Variants in ELOVL6 observed in about 807,000 individuals in gnomAD.
ELOVL6 encodes the protein ELOVL fatty acid elongase 6.
ELOVL6 carries 8 observed loss-of-function variants against 31.7 expected under a neutral mutation model. The observed-to-expected ratio is 0.25, with a 90% CI of 0.15 to 0.45. The LOEUF (loss-of-function observed/expected upper bound fraction) is 0.45. Ranked by LOEUF, ELOVL6 falls within the 20% of genes least tolerant of loss-of-function variation. ELOVL6 has a pLI of 1.00. For synonymous variants in ELOVL6, 101 were observed against 117.7 expected, an observed-to-expected ratio of 0.86 and a Z score of 0.92; for missense variants, 126 against 326.4, an observed-to-expected ratio of 0.39 and a Z score of 4.73.
intron 1 of ELOVL6, among the ~76,000 whole-genome samples, chr4:110,171,435 TA>T (rs1758940192): frequency 6.6e-6 from 1 of 151,480 alleles, no homozygotes; most frequent in Middle Eastern, 3.4e-3. Flanking sequence ...AATAAATAAA[TA>T]AATAAATAAA....
intron 1 of ELOVL6, among the ~76,000 whole-genome samples, chr4:110,120,347 AAAAAGT>A (rs35054070): frequency 0.078 from 4,901 of 62,928 alleles, 237 homozygotes; most frequent in African/African-American, 0.23. Context: ...ATAAAAAATA[AAAAAGT>A]AAAAAAAAAA....
chr4:110,120,804 T>C (rs1047093818), intron 1 of ELOVL6, among the ~76,000 whole-genome samples: 12 of 137,958 alleles, frequency 8.7e-5, no homozygotes, highest in African/African-American at 1.3e-4. Context: ...TTTTCTTTTT[T>C]TTTTTTTTTT....
At chr4:110,197,973 C>T (rs1578298632) in intron 1 of ELOVL6, 1 of 519,660 alleles carries the variant, frequency 1.9e-6, no homozygotes, top group Non-Finnish European at 3.4e-6. Context: ...GCAGACATCA[C>T]CCTGTGCACA....
chr4:110,148,632 A>G (rs1758196065), intron 1 of ELOVL6, among the ~76,000 whole-genome samples: 1 of 152,174 alleles, frequency 6.6e-6, no homozygotes, highest in East Asian at 1.9e-4. Context: ...AACTAAGAGT[A>G]TAATTGGACT....
chr4:110,083,910 TAGAG>T (rs1208996335), intron 2 of ELOVL6, among the ~76,000 whole-genome samples: 4 of 59,634 alleles, frequency 6.7e-5, no homozygotes, highest in Admixed American at 1.6e-4. Context: ...TATATACACA[TAGAG>T]AGAGAGATAA....
intron 2 of ELOVL6, among the ~76,000 whole-genome samples, chr4:110,061,051 G>A (rs1755122600): frequency 6.6e-6 from 1 of 152,104 alleles, no homozygotes; most frequent in South Asian, 2.1e-4. Flanking sequence ...CTTCTCTAAA[G>A]GTATAAAGAC....
chr4:110,119,688 C>G (rs1025214513), intron 1 of ELOVL6, among the ~76,000 whole-genome samples: 9 of 151,988 alleles, frequency 5.9e-5, no homozygotes, highest in Non-Finnish European at 1.3e-4. Context: ...CTCTTTGCCC[C>G]TTCACAGATT....
At position 110,046,110 on chromosome 4, in the gene ELOVL6, A is replaced by AGTAT. The variant is rs1754692739; in HGVS notation, c.*5224_*5227dup. The stretch of plus-strand genomic sequence containing the variant: ...TAGACAGGCAGACCTGTTTGAAACG[A>AGTAT]GTATGACCAGGGAGGACTGTTAGGC... On this transcript the variant is annotated 3_prime_UTR_variant, in exon 4 of 4. Transcript: ENST00000302274. 6.6e-6 allele frequency: 1 copy of AGTAT among 152,174 alleles called. No individual in the cohort carries two copies. The highest frequency in any genetic ancestry group is 2.1e-4 in the South Asian group (1 of 4,822). 9.4% of individuals were successfully genotyped at this position (152,174 alleles called of 1,614,324 possible). A position where few individuals can be genotyped will look rare whatever the true frequency, so the allele number is the denominator to read the frequency against.
chr4:110,137,764 C>T lies in ELOVL6; in HGVS notation c.90-32136G>A, dbSNP rs561621583. ...CAACACACTCTGAGGCCATAACAAA[C>T]TTTTAGAAATAACACAATTGGCTAC... On this transcript the variant is annotated intron_variant, in intron 1 of 3. Coordinates refer to ENST00000302274, the MANE Select transcript of ELOVL6 (RefSeq NM_024090.3). Among the ~76,000 whole-genome samples the T allele has an allele frequency of 4.6e-5, 7 of 152,220 alleles. No homozygotes were observed. The South Asian group carries it at 1.5e-3, about 32-fold the overall frequency.
chr4:110,145,620 A>G (rs1033195746), intron 1 of ELOVL6, among the ~76,000 whole-genome samples: 2 of 152,140 alleles, frequency 1.3e-5, no homozygotes, highest in African/African-American at 4.8e-5. Context: ...CAGCTCTATG[A>G]CCTTGCAGGG....
intron 1 of ELOVL6, among the ~76,000 whole-genome samples, chr4:110,180,571 A>G (rs1759241486): frequency 6.6e-6 from 1 of 151,924 alleles, no homozygotes; most frequent in Non-Finnish European, 1.5e-5. Context: ...TTTTATTTTT[A>G]TTTTTTTAAT....
intron 2 of ELOVL6, among the ~76,000 whole-genome samples, chr4:110,084,354 A>ATATATCGCATATATGATT (rs1756110279): frequency 8.3e-6 from 1 of 120,448 alleles, no homozygotes; most frequent in South Asian, 2.6e-4. Flanking sequence ...GATATATGAT[A>ATATATCGCATATATGATT]TATACCGCAT....
chr4:110,177,025 C>T lies in ELOVL6; in HGVS notation c.89+21222G>A, dbSNP rs1158655754. On this transcript the variant is annotated intron_variant, in intron 1 of 3. Transcript: ENST00000302274. The stretch of plus-strand genomic sequence containing the variant: ...GCGAGATTACAGGCGTGAGCCACCA[C>T]GCCCGGCCTCTTTGTCATTTAAGAG... Among the ~76,000 whole-genome samples, 17 of 152,346 alleles carry T rather than the reference C, an allele frequency of 1.1e-4. No individual in the cohort carries two copies. In the East Asian group the frequency reaches 2.7e-3, roughly 24 times the overall value.
chr4:110,186,159 C>T (rs1336253852), intron 1 of ELOVL6, among the ~76,000 whole-genome samples: 1 of 152,050 alleles, frequency 6.6e-6, no homozygotes, highest in Admixed American at 6.5e-5. Flanking sequence ...CACTGTACTA[C>T]AGCCTGGGCA....
Position 110,045,876 on chromosome 4 carries a change from TTTTTAA to T in ELOVL6, c.*5456_*5461del, listed in dbSNP as rs1158715954. On this transcript the variant is annotated 3_prime_UTR_variant, in exon 4 of 4. Transcript: ENST00000302274. ...TTTTAAATCAAAAGTTATGATTTTATTTTTAATTTTAATACACCAGGAAAAAATATT... is the reference window on the plus strand; with the variant it reads ...TTTTAAATCAAAAGTTATGATTTTATTTTTAATACACCAGGAAAAAATATT... 2.6e-5 allele frequency: 4 copies of T among 152,180 alleles called. No individual in the cohort carries two copies. The highest frequency in any genetic ancestry group is 4.8e-5 in the African/African-American group (2 of 41,440). The allele number at this position is 152,180 out of a possible 1,614,324, so 9.4% of individuals were successfully genotyped here.
rs372263872 is a variant in ELOVL6 at position 110,137,681 on chromosome 4, T to C, written c.90-32053A>G. On this transcript the variant is annotated intron_variant, in intron 1 of 3. Coordinates refer to ENST00000302274, the MANE Select transcript of ELOVL6 (RefSeq NM_024090.3). ...AAGCATATAACAATAATAGTAATGA[T>C]AGGACCATAAATGTGGATGGCTCTT... 3.9e-5 allele frequency among the ~76,000 whole-genome samples: 6 copies of C among 152,194 alleles called. No homozygotes were observed. The South Asian group carries it at 1.2e-3, about 31-fold the overall frequency.
chr4:110,084,579 TATATATATA>T (rs1238675208), intron 2 of ELOVL6, among the ~76,000 whole-genome samples: 749 of 50,730 alleles, frequency 0.015, 23 homozygotes, highest in East Asian at 0.063. Context: ...TATATATATA[TATATATATA>T]TTTTTTTTTT....
At chr4:110,069,504 C>T (rs1005256324) in intron 2 of ELOVL6, among the ~76,000 whole-genome samples, 4 of 152,114 alleles carry the variant, frequency 2.6e-5, no homozygotes, top group African/African-American at 7.2e-5. Context: ...GCACTGGATG[C>T]TGCCATGGTA....
rs142217851 is a variant in ELOVL6, at chr4:110,167,170, C to CA, written c.89+31076dup. On this transcript the variant is annotated intron_variant, in intron 1 of 3. Transcript: ENST00000302274. Reference sequence around the variant, plus strand: ...CAGGGTTTCAGTATCTCTCCACTGGCAAAAATATTAGGTGCATTGAGACAC... The same window carrying CA: ...CAGGGTTTCAGTATCTCTCCACTGGCAAAAAATATTAGGTGCATTGAGACAC... Among the ~76,000 whole-genome samples the CA allele has an allele frequency of 3.1e-3, 470 of 152,250 alleles. 21 individuals carry two copies. The East Asian group carries it at 0.074, about 24-fold the overall frequency.
Sources: gnomAD v4.1 joint callset for allele counts (sites outside exome capture counted in the v4.1 genomes callset) on GRCh38, gnomAD v4.1.1 for gene constraint, MANE v1.5 for transcripts, NCBI Gene and HGNC (gene_info 2026-07-23, HGNC 2026-07-21) for gene names.